WNT9A: variants seen among roughly 807,000 people sequenced by gnomAD.
WNT9A encodes the protein protein Wnt-9a.
WNT9A carries 8 observed loss-of-function variants against 31.4 expected under a neutral mutation model. That is an observed-to-expected ratio of 0.26 (90% CI 0.15 to 0.46). The LOEUF (loss-of-function observed/expected upper bound fraction) is 0.46. Ranked by LOEUF, WNT9A falls within the 20% of genes least tolerant of loss-of-function variation. WNT9A has a pLI of 0.99. For missense variants in WNT9A, 457 were observed against 522.9 expected (o/e 0.87, Z 1.23); for synonymous variants, 236 against 220.1 (o/e 1.07, Z -0.64).
intron 1 of WNT9A, among the ~76,000 whole-genome samples, chr1:227,936,242 G>T (rs1465141799): frequency 6.6e-6 from 1 of 151,916 alleles, no homozygotes; most frequent in Non-Finnish European, 1.5e-5. Flanking sequence ...AGGCTGGAGT[G>T]CAGTGGTGCC....
intron 1 of WNT9A, among the ~76,000 whole-genome samples, chr1:227,931,680 T>A (rs973081029): frequency 3.3e-5 from 5 of 152,210 alleles, no homozygotes; most frequent in Admixed American, 2.6e-4. Flanking sequence ...CTACAGTCTT[T>A]AAGTGAGCAA....
rs911861597 is a variant in WNT9A, at chr1:227,919,022, A to T, written c.*2496T>A. The T allele has an allele frequency of 6.6e-6, 1 of 152,234 alleles. No homozygotes were observed. Among genetic ancestry groups the T allele is most frequent in the African/African-American group, 2.4e-5 (1 of 41,458 alleles). The allele number at this position is 152,234 out of a possible 1,614,324, so 9.4% of individuals were successfully genotyped here. On this transcript the variant is annotated 3_prime_UTR_variant, in exon 4 of 4. Transcript: ENST00000272164. ...GAGCGGCCTCTTCATCCAGCAAGAC[A>T]TTCGAATATGTATTTGTATAGAAAC...
In WNT9A at chr1:227,928,475, G is replaced by C. The variant is rs145457000; in HGVS notation, c.96-2956C>G. On this transcript the variant is annotated intron_variant, in intron 1 of 3. Transcript: ENST00000272164. This position sits in a 1 kb window ranked among gnomAD's most constrained non-coding sequence, Gnocchi z 4.5. ...ATTCACTGAATTCTGTGCTGCTCTG[G>C]CCATGGCCTTCTTAAGCTCCTGCCC... Among the ~76,000 whole-genome samples, 2 of 152,282 alleles carry C rather than the reference G, an allele frequency of 1.3e-5. No individual in the cohort carries two copies. The highest frequency in any genetic ancestry group is 2.9e-5 in the Non-Finnish European group (2 of 68,004).
intron 1 of WNT9A, among the ~76,000 whole-genome samples, chr1:227,940,717 G>A (rs1417694062): frequency 5.3e-5 from 8 of 152,228 alleles, no homozygotes; most frequent in East Asian, 1.9e-4. Flanking sequence ...TGCAGCCTGC[G>A]GCTTGCCTTT....
At chr1:227,930,281 G>C (rs596208) in intron 1 of WNT9A, among the ~76,000 whole-genome samples, 79,757 of 152,004 alleles carry the variant, frequency 0.52, 21,149 homozygotes, top group African/African-American at 0.6. Flanking sequence ...CAGAGCCCAG[G>C]AGTGGGTGGA....
At chr1:227,933,754 G>A (rs1666546938) in intron 1 of WNT9A, among the ~76,000 whole-genome samples, 1 of 152,288 alleles carries the variant, frequency 6.6e-6, no homozygotes, top group African/African-American at 2.4e-5. Flanking sequence ...GCACAGTGGA[G>A]CAGGGTCAGG....
rs189605908 is a variant in WNT9A, at chr1:227,925,126, C to T, written c.352+137G>A. The stretch of plus-strand genomic sequence containing the variant: ...GTCCCGGGGCTGCCCTTTCCAGGGC[C>T]TAGGCCCAGGAGCTCTGGGCAGGCT... On this transcript the variant is annotated intron_variant, in intron 2 of 3. Transcript: ENST00000272164. This position sits in a 1 kb window ranked among gnomAD's most constrained non-coding sequence, Gnocchi z 6.0. 25 of 1,345,096 alleles carry T rather than the reference C, an allele frequency of 1.9e-5. 1 individual carries two copies. In the South Asian group the frequency reaches 3.5e-4, roughly 19 times the overall value. 83.3% of individuals were successfully genotyped at this position (1,345,096 alleles called of 1,614,324 possible). A position where few individuals can be genotyped will look rare whatever the true frequency, so the allele number is the denominator to read the frequency against.
At chr1:227,941,899 C>CACCTGTCAA (rs1384626457) in intron 1 of WNT9A, among the ~76,000 whole-genome samples, 1 of 152,106 alleles carries the variant, frequency 6.6e-6, no homozygotes, top group African/African-American at 2.4e-5. Flanking sequence ...GGTGGCGCGA[C>CACCTGTCAA]CGAGGCCTGT....
intron 1 of WNT9A, among the ~76,000 whole-genome samples, chr1:227,936,215 G>T (rs1363235191): frequency 6.6e-6 from 1 of 151,624 alleles, no homozygotes; most frequent in East Asian, 1.9e-4. Context: ...TTCAGACGGA[G>T]TCTCGCTCTG....
intron 1 of WNT9A, among the ~76,000 whole-genome samples, chr1:227,940,362 C>T (rs1041014756): frequency 1.3e-5 from 2 of 152,168 alleles, no homozygotes; most frequent in Non-Finnish European, 2.9e-5. Context: ...ACCACAGCCC[C>T]CCATGGCCTT....
chr1:227,947,655 C>G, intron 1 of WNT9A, 138 bp downstream of exon 1: 2 of 343,394 alleles, frequency 5.8e-6, no homozygotes, highest in Non-Finnish European at 4.2e-6. Context: ...GCGCCGCAAA[C>G]AAACAGCGCC....
chr1:227,930,995 G>A (rs1258762976), intron 1 of WNT9A, among the ~76,000 whole-genome samples: 4 of 116,064 alleles, frequency 3.4e-5, no homozygotes, highest in African/African-American at 7.2e-5. Context: ...GTGAGACTCC[G>A]TCTCAAAAAA....
rs1246973372 is a variant in WNT9A, at chr1:227,928,151, C to T, written c.96-2632G>A. On this transcript the variant is annotated intron_variant, in intron 1 of 3. Transcript: ENST00000272164. The surrounding 1 kb of genome is among the most constrained non-coding windows in gnomAD (Gnocchi z 4.5). ...GCACTGAGAGCTGGTTTGACGGTGA[C>T]TAGCTGAGTCCTCCAGCCTTCCCTA... 2.0e-5 allele frequency among the ~76,000 whole-genome samples: 3 copies of T among 152,142 alleles called. No homozygotes were observed. Among genetic ancestry groups the T allele is most frequent in the Non-Finnish European group, 1.5e-5 (1 of 68,014 alleles).
intron 3 of WNT9A, among the ~76,000 whole-genome samples, chr1:227,923,409 C>A (rs1018559848): frequency 2.0e-5 from 3 of 152,180 alleles, no homozygotes; most frequent in Non-Finnish European, 4.4e-5. Context: ...AGTGGGGTTA[C>A]AGGTCCAGCC....
chr1:227,947,863 G>A lies in WNT9A; in HGVS notation c.25C>T (p.Arg9Cys), dbSNP rs1465569121. ...AGCCCGAAGGCCGCGGCCAGCCAGC[G>A]CGCCAGCGGGGACCCATCCAGCATC... is the stretch of plus-strand genomic sequence containing the variant. MLDGSPLA[R>C]WLAAAFGLTL... The change falls in exon 1 of 4, where the codon CGC (arginine) becomes TGC (cysteine). Residue 9 changes from arginine (R) to cysteine (C), a missense_variant. Transcript: ENST00000272164. The A allele has an allele frequency of 2.8e-6, 3 of 1,084,976 alleles. No homozygotes were observed. The highest frequency in any genetic ancestry group is 3.4e-6 in the Non-Finnish European group (3 of 894,984). The allele number at this position is 1,084,976 out of a possible 1,614,324, so 67.2% of individuals were successfully genotyped here. A position where few individuals can be genotyped will look rare whatever the true frequency, so the allele number is the denominator to read the frequency against.
chr1:227,931,765 T>C (rs893904048), intron 1 of WNT9A, among the ~76,000 whole-genome samples: 2 of 152,346 alleles, frequency 1.3e-5, no homozygotes, highest in African/African-American at 4.8e-5. Context: ...CTAACAATCA[T>C]CTCAGCTTCA....
Position 227,926,788 on chromosome 1 carries a change from CA to C in WNT9A, c.96-1270del, listed in dbSNP as rs1248018602. On this transcript the variant is annotated intron_variant, in intron 1 of 3. Transcript: ENST00000272164. The surrounding 1 kb of genome is among the most constrained non-coding windows in gnomAD (Gnocchi z 5.0). ...GGTGCCAGCTTGGGAAGGCTCCCCC[CA>C]CACCCTCACATGGCCCTGCTAGACC... is the stretch of plus-strand genomic sequence containing the variant. 6.6e-6 allele frequency among the ~76,000 whole-genome samples: 1 copy of C among 152,032 alleles called. No homozygotes were observed. Among genetic ancestry groups the C allele is most frequent in the East Asian group, 1.9e-4 (1 of 5,132 alleles).
At chr1:227,922,272 G>A (rs1488493834) in intron 3 of WNT9A, among the ~76,000 whole-genome samples, 5 of 152,230 alleles carry the variant, frequency 3.3e-5, no homozygotes, top group Non-Finnish European at 7.4e-5. Context: ...TCCACAATGG[G>A]AGGCTCCTGC....
rs1432411300 is a variant in WNT9A at position 227,925,902 on chromosome 1, C to A, written c.96-383G>T. ...GGAGGAGGCTCCGGAGCCTGAATCC[C>A]AAACTATGCCTGATGGGCGTCTGCC... On this transcript the variant is annotated intron_variant, in intron 1 of 3. Transcript: ENST00000272164. This position sits in a 1 kb window ranked among gnomAD's most constrained non-coding sequence, Gnocchi z 6.0. 6.6e-6 allele frequency among the ~76,000 whole-genome samples: 1 copy of A among 152,098 alleles called. No homozygotes were observed. The highest frequency in any genetic ancestry group is 2.4e-5 in the African/African-American group (1 of 41,426).
Sources: gnomAD v4.1 joint callset for allele counts (sites outside exome capture counted in the v4.1 genomes callset) on GRCh38, gnomAD v4.1.1 for gene constraint, Gnocchi (gnomAD v3.1) non-coding constraint, MANE v1.5 for transcripts, NCBI Gene and HGNC (gene_info 2026-07-23, HGNC 2026-07-21) for gene names.